NPC1: variants seen among roughly 807,000 people sequenced by gnomAD.
NPC1 encodes NPC intracellular cholesterol transporter 1.
A neutral mutation model predicts 140.4 loss-of-function variants in NPC1; 85 were observed. That is an observed-to-expected ratio of 0.61 (90% CI 0.51 to 0.72). The LOEUF is 0.72. Ranked by LOEUF, NPC1 falls within the 30% of genes least tolerant of loss-of-function variation. NPC1 has a pLI of 0.00. For synonymous variants in NPC1, 656 were observed against 624.8 expected (o/e 1.05, Z -0.74); for missense variants, 1,504 against 1,623.8 (o/e 0.93, Z 1.27).
intron 21 of NPC1, 148 bp downstream of exon 21, chr18:23,536,525 T>G: frequency 1.5e-6 from 1 of 681,162 alleles, no homozygotes; most frequent in Non-Finnish European, 2.6e-6. Flanking sequence ...CAGCACCCAT[T>G]TCCTTTGATA....
chr18:23,514,498 G>A (rs1375206658), intron 3 of NPC1, among the ~76,000 whole-genome samples: 3 of 152,010 alleles, frequency 2.0e-5, no homozygotes, highest in Non-Finnish European at 2.9e-5. Context: ...TGGAGGTTGC[G>A]GTGAGCCGAG....
chr18:23,579,205 T>C (rs1248718336), intron 1 of NPC1, among the ~76,000 whole-genome samples: 1 of 152,214 alleles, frequency 6.6e-6, no homozygotes, highest in Non-Finnish European at 1.5e-5. Context: ...ATTGCAAAGT[T>C]GTGATGTTGG....
At chr18:23,557,066 A>G in intron 7 of NPC1, 51 bp downstream of exon 7, 1 of 1,438,280 alleles carries the variant, frequency 7.0e-7, no homozygotes, top group Non-Finnish European at 9.8e-7. Context: ...GAATGCTCTC[A>G]TGACAGACAG....
chr18:23,540,333 A>G, intron 17 of NPC1, 115 bp downstream of exon 17: 1 of 747,918 alleles, frequency 1.3e-6, no homozygotes, highest in Non-Finnish European at 2.3e-6. Context: ...AAACCCTGTC[A>G]CCATTTGCAG....
intron 4 of NPC1, among the ~76,000 whole-genome samples, chr18:23,564,561 A>C (rs1385963865): frequency 6.6e-6 from 1 of 152,040 alleles, no homozygotes; most frequent in Non-Finnish European, 1.5e-5. Context: ...GGGCTCAAGC[A>C]ATCCTCCTGC....
At chr18:23,533,968 A>G (rs1200963109) in intron 23 of NPC1, 3 of 315,552 alleles carry the variant, frequency 9.5e-6, no homozygotes, top group African/African-American at 2.1e-5. Flanking sequence ...GTGTCTCCCA[A>G]TTGATTATCT....
intron 1 of NPC1, among the ~76,000 whole-genome samples, chr18:23,579,390 C>T (rs6507740): frequency 0.012 from 1,767 of 152,280 alleles, 38 homozygotes; most frequent in African/African-American, 0.041. Context: ...GGGAGTACAA[C>T]TGGATTATCT....
At chr18:23,534,113 C>T (rs184914762) in intron 23 of NPC1, 8 of 471,440 alleles carry the variant, frequency 1.7e-5, no homozygotes, top group African/African-American at 7.8e-5. Flanking sequence ...TGAACCAAGA[C>T]GACTCTCCAG....
intron 1 of NPC1, among the ~76,000 whole-genome samples, chr18:23,523,968 G>A (rs896286390): frequency 2.0e-5 from 3 of 151,968 alleles, no homozygotes; most frequent in African/African-American, 7.3e-5. Flanking sequence ...CTTCCTCCCC[G>A]TACGTGCTTT....
Position 23,536,663 on chromosome 18 carries a change from C to T in NPC1, c.3245+10G>A, listed in dbSNP as rs375928251. The stretch of plus-strand genomic sequence containing the variant: ...CTGGGTAAACCCCATTGAAAAAGGG[C>T]AGGCTTTACCTGTAAGGAAATACTC... On this transcript the variant is annotated intron_variant, in intron 21 of 24. Coordinates refer to ENST00000269228, the MANE Select transcript of NPC1 (RefSeq NM_000271.5). 8.1e-6 allele frequency: 13 copies of T among 1,612,192 alleles called. No individual in the cohort carries two copies. Among genetic ancestry groups the T allele is most frequent in the Non-Finnish European group, 1.1e-5 (13 of 1,178,912 alleles).
chr18:23,574,366 C>T (rs532326882), intron 1 of NPC1, among the ~76,000 whole-genome samples: 2 of 152,246 alleles, frequency 1.3e-5, no homozygotes, highest in South Asian at 4.1e-4. Context: ...GGCCCCGGGC[C>T]TGCAATCGTC....
intron 10 of NPC1, 103 bp downstream of exon 10, chr18:23,551,524 A>G: frequency 3.2e-6 from 3 of 931,672 alleles, no homozygotes; most frequent in Middle Eastern, 2.2e-4. Flanking sequence ...AGAAATTAAC[A>G]AAACTGCCCA....
intron 20 of NPC1, among the ~76,000 whole-genome samples, chr18:23,537,915 T>C (rs1327169634): frequency 6.6e-6 from 1 of 152,184 alleles, no homozygotes; most frequent in African/African-American, 2.4e-5. Flanking sequence ...ATGAAAAACC[T>C]AAGTTCAGGG....
chr18:23,549,742 C>CA lies in NPC1; in HGVS notation c.1655-1635_1655-1634insT, dbSNP rs1555635578. On this transcript the variant is annotated intron_variant, in intron 10 of 24. Transcript: ENST00000269228. ...CAGGTTGTTGATCTTTTTTTCACAA[C>CA]TTTTTTTTTTTTTTTTAAGACGGAG... Among the ~76,000 whole-genome samples, 492 of 138,008 alleles carry CA rather than the reference C, an allele frequency of 3.6e-3. 5 individuals are homozygous for CA. Among genetic ancestry groups the CA allele is most frequent in the African/African-American group, 0.013 (476 of 36,644 alleles). The allele number at this position is 138,008 out of a possible 152,430, so 90.5% of individuals were successfully genotyped here.
downstream of NPC1, chr18:23,529,444 T>G (rs1263282634): frequency 7.3e-7 from 1 of 1,373,964 alleles, no homozygotes; most frequent in Non-Finnish European, 9.7e-7. Flanking sequence ...GAGCTGGTAG[T>G]TTGGCTTCTA....
At position 23,532,223 on chromosome 18, in the gene NPC1, G is replaced by C; in HGVS notation, c.3816C>G (p.Arg1272=). 6.2e-7 allele frequency: 1 copy of C among 1,614,136 alleles called. No homozygotes were observed. Among genetic ancestry groups the C allele is most frequent in the South Asian group, 1.1e-5 (1 of 91,078 alleles). Residue 1272 remains arginine, a synonymous_variant, in exon 25 of 25, where the codon CGC becomes CGG. Transcript: ENST00000269228. ...AGGGCTAGAAATTTAGAAGCCGTTC[G>C]CGCTCTGTTCCTTTGTATCGCTCTT... is the stretch of plus-strand genomic sequence containing the variant. ...ATEERYKGTE[R]ERLLNF is the part of the protein sequence containing the mutation.
chr18:23,545,666 A>T (rs1002158967), intron 11 of NPC1, among the ~76,000 whole-genome samples: 2 of 152,162 alleles, frequency 1.3e-5, no homozygotes, highest in African/African-American at 4.8e-5. Flanking sequence ...ATTACAGCTC[A>T]CTGCAGCCTC....
chr18:23,573,238 G>A (rs751056013), intron 2 of NPC1, among the ~76,000 whole-genome samples: 1 of 152,182 alleles, frequency 6.6e-6, no homozygotes, highest in Non-Finnish European at 1.5e-5. Context: ...CTTTATGAGA[G>A]GTATAAAGTC....
chr18:23,573,712 T>C, intron 1 of NPC1, 138 bp from the exon 2 acceptor site: 1 of 967,474 alleles, frequency 1.0e-6, no homozygotes, highest in Non-Finnish European at 1.6e-6. Context: ...GCACTTAACA[T>C]TTTGAAAAAT....
Sources: gnomAD v4.1 joint callset for allele counts (sites outside exome capture counted in the v4.1 genomes callset) on GRCh38, gnomAD v4.1.1 for gene constraint, MANE v1.5 for transcripts, NCBI Gene and HGNC (gene_info 2026-07-23, HGNC 2026-07-21) for gene names.